PHF2: variants seen among roughly 807,000 people sequenced by gnomAD.
The protein encoded by PHF2 is lysine-specific demethylase PHF2.
In PHF2, 27 loss-of-function variants were observed where a neutral mutation model predicts 120.5. The observed-to-expected ratio is 0.22, with a 90% CI of 0.17 to 0.31. The LOEUF (loss-of-function observed/expected upper bound fraction) is 0.31. PHF2 is among the 10% of genes least tolerant of loss of function. The pLI is 1.00. For synonymous variants in PHF2, 568 were observed against 592.5 expected (o/e 0.96, Z 0.60); for missense variants, 1,024 against 1,434.8 (o/e 0.71, Z 4.63).
intron 4 of PHF2, 113 bp from the exon 5 acceptor site, chr9:93,648,958 C>A: frequency 8.1e-7 from 1 of 1,227,668 alleles, no homozygotes; most frequent in South Asian, 1.4e-5. Context: ...CCCCTGGCAG[C>A]TCCTGCTGTG....
intron 1 of PHF2, among the ~76,000 whole-genome samples, chr9:93,619,931 C>T (rs901199441): frequency 6.6e-6 from 1 of 152,226 alleles, no homozygotes; most frequent in African/African-American, 2.4e-5. Context: ...CCTCTCTCAG[C>T]TCCTGGGTTT....
At chr9:93,655,561 C>A (rs1826444230) in intron 7 of PHF2, among the ~76,000 whole-genome samples, 1 of 152,332 alleles carries the variant, frequency 6.6e-6, no homozygotes. Context: ...CAGACTGGGG[C>A]TTCCTCTCTC....
Position 93,656,482 on chromosome 9 carries a change from C to G in PHF2, c.1041-7C>G. The G allele has an allele frequency of 6.2e-7, 1 of 1,600,316 alleles. No individual in the cohort carries two copies. On this transcript the variant is annotated splice_region_variant and splice_polypyrimidine_tract_variant and intron_variant, in intron 8 of 21. Transcript: ENST00000359246. This position sits in a 1 kb window ranked among gnomAD's most constrained non-coding sequence, Gnocchi z 4.1. ...TGCACTGAGAACTGCTCTTTGGTGG[C>G]TTCTAGAGCATATGAAGTGGAAAGG... is the stretch of plus-strand genomic sequence containing the variant.
chr9:93,646,516 G>A lies in PHF2; in HGVS notation c.460+727G>A, dbSNP rs1363996550. Among the ~76,000 whole-genome samples the A allele has an allele frequency of 8.5e-5, 13 of 152,346 alleles. No individual in the cohort carries two copies. The East Asian group carries it at 2.5e-3, about 29-fold the overall frequency. ...AAAACCCTGAACGGGCAAACCCCCA[G>A]GACAGAAGGTGGGCAGGCAGGCACA... On this transcript the variant is annotated intron_variant, in intron 4 of 21. Transcript: ENST00000359246.
At chr9:93,592,626 G>T (rs970886794) in intron 1 of PHF2, among the ~76,000 whole-genome samples, 2 of 152,160 alleles carry the variant, frequency 1.3e-5, no homozygotes, top group Non-Finnish European at 1.5e-5. Flanking sequence ...GAGCCAAAGC[G>T]TGCTGTTGTC....
chr9:93,671,544 A>G (rs10992848), intron 17 of PHF2, among the ~76,000 whole-genome samples: 29 of 89,390 alleles, frequency 3.2e-4, no homozygotes, highest in African/African-American at 5.4e-4. Context: ...GTAGATGCAG[A>G]TGTGGGTGTG....
intron 1 of PHF2, among the ~76,000 whole-genome samples, chr9:93,626,778 A>G (rs1276916666): frequency 2.6e-5 from 4 of 152,194 alleles, no homozygotes; most frequent in Non-Finnish European, 5.9e-5. Flanking sequence ...TAGACATCCA[A>G]CTTCATTCCT....
intron 1 of PHF2, among the ~76,000 whole-genome samples, chr9:93,604,564 A>G (rs1021150686): frequency 2.0e-5 from 3 of 150,826 alleles, no homozygotes; most frequent in Non-Finnish European, 3.0e-5. Flanking sequence ...TCCCGGGTTC[A>G]CGCCATTCTC....
rs10118129 is a variant in PHF2, at chr9:93,656,618, C to T, written c.1147+23C>T. 9 of 1,548,912 alleles carry T rather than the reference C, an allele frequency of 5.8e-6. No homozygotes were observed. Among genetic ancestry groups the T allele is most frequent in the African/African-American group, 4.1e-5 (3 of 73,526 alleles). ...AAGGTACTGGTCACTCCGGGGTGGG[C>T]GTCCAAGCCTGGGGCTCTTGGCTGT... is the stretch of plus-strand genomic sequence containing the variant. On this transcript the variant is annotated intron_variant, in intron 9 of 21. Coordinates refer to ENST00000359246, the MANE Select transcript of PHF2 (RefSeq NM_005392.4). This position sits in a 1 kb window ranked among gnomAD's most constrained non-coding sequence, Gnocchi z 4.1.
chr9:93,648,932 G>C lies in PHF2; in HGVS notation c.461-139G>C, dbSNP rs983883611. 5.7e-6 allele frequency: 5 copies of C among 881,686 alleles called. No homozygotes were observed. The South Asian group carries it at 8.2e-5, about 15-fold the overall frequency. 54.6% of individuals were successfully genotyped at this position (881,686 alleles called of 1,614,324 possible). A position where few individuals can be genotyped will look rare whatever the true frequency, so the allele number is the denominator to read the frequency against. On this transcript the variant is annotated intron_variant, in intron 4 of 21. Coordinates refer to ENST00000359246, the MANE Select transcript of PHF2 (RefSeq NM_005392.4). The stretch of plus-strand genomic sequence containing the variant: ...AGGTGAAGCTCGACGTTGGCACCTA[G>C]AGCCTCCGCATCCAGCCCCTGGCAG...
chr9:93,589,901 C>T (rs550622086), intron 1 of PHF2, among the ~76,000 whole-genome samples: 3 of 152,264 alleles, frequency 2.0e-5, no homozygotes, highest in South Asian at 2.1e-4. Context: ...GACCCTGGGT[C>T]GTCACTCTTG....
chr9:93,660,535 A>G lies in PHF2; in HGVS notation c.1673A>G (p.Lys558Arg), dbSNP rs775040729. The change falls in exon 12 of 22, where the codon AAG (lysine) becomes AGG (arginine). Residue 558 changes from lysine (K) to arginine (R), a missense_variant. By Grantham distance (26) the Lys-to-Arg change is conservative. This residue lies in a region of PHF2 where 677 missense variants were observed against 857.4 expected (regional missense o/e 0.79). Coordinates refer to ENST00000359246, the MANE Select transcript of PHF2 (RefSeq NM_005392.4). ...GCCCACACCAAGGAGGCACTGACCAAGATGGAGCCGCCCAAGAAGGGCAAG... is the reference window on the plus strand; with the variant it reads ...GCCCACACCAAGGAGGCACTGACCAGGATGGAGCCGCCCAAGAAGGGCAAG... ...LEAHTKEALT[K>R]MEPPKKGKAT... 1.5e-5 allele frequency: 24 copies of G among 1,578,284 alleles called. No homozygotes were observed. In the East Asian group the frequency reaches 5.1e-4, roughly 34 times the overall value.
chr9:93,605,175 T>A (rs1272617443), intron 1 of PHF2, among the ~76,000 whole-genome samples: 1 of 152,236 alleles, frequency 6.6e-6, no homozygotes, highest in Non-Finnish European at 1.5e-5. Flanking sequence ...ATTAACAAAG[T>A]CTGTAGTTTA....
chr9:93,629,546 G>C (rs148017594), intron 1 of PHF2, among the ~76,000 whole-genome samples: 38 of 152,316 alleles, frequency 2.5e-4, no homozygotes, highest in Admixed American at 5.9e-4. Flanking sequence ...GCTATGGTAT[G>C]GCCCACAGGA....
intron 1 of PHF2, among the ~76,000 whole-genome samples, chr9:93,594,296 C>T (rs897461919): frequency 2.6e-5 from 4 of 152,168 alleles, no homozygotes; most frequent in Non-Finnish European, 4.4e-5. Flanking sequence ...GGCCATTGAC[C>T]ATGAGCCTGC....
chr9:93,665,224 C>T (rs752486923), intron 14 of PHF2, among the ~76,000 whole-genome samples: 7 of 152,204 alleles, frequency 4.6e-5, no homozygotes, highest in African/African-American at 1.2e-4. Context: ...GGTCCTTTTC[C>T]GGTTAAAGAC....
In PHF2 at chr9:93,675,695, C is replaced by T. The variant is rs1327781532; in HGVS notation, c.2738C>T (p.Ser913Leu). The change falls in exon 20 of 22, where the codon TCG becomes TTG. Residue 913 changes from serine to leucine, a missense_variant. By Grantham distance (145) the Ser-to-Leu change is moderately radical. Transcript: ENST00000359246. ...PYSPTARVGP[S>L]VPRQDRPVRE... ...TTTTCCACAGCAAGGGTCGGCCCAT[C>T]GGTGCCAAGACAGGACAGGCCTGTG... The T allele has an allele frequency of 8.7e-6, 14 of 1,611,630 alleles. No individual in the cohort carries two copies. The highest frequency in any genetic ancestry group is 1.6e-4 in the Middle Eastern group (1 of 6,072).
At chr9:93,622,594 T>A (rs1462449217) in intron 1 of PHF2, among the ~76,000 whole-genome samples, 1 of 152,134 alleles carries the variant, frequency 6.6e-6, no homozygotes, top group African/African-American at 2.4e-5. Context: ...GCAGATGGCC[T>A]CTAGGAACTG....
intron 2 of PHF2, among the ~76,000 whole-genome samples, chr9:93,635,695 T>G (rs745648343): frequency 2.6e-5 from 4 of 152,128 alleles, no homozygotes; most frequent in African/African-American, 9.7e-5. Context: ...TATGTACATA[T>G]GTGTGTGCCT....
Sources: gnomAD v4.1 joint callset for allele counts (sites outside exome capture counted in the v4.1 genomes callset) on GRCh38, gnomAD v4.1.1 for gene constraint, gnomAD v4.1.1 regional missense constraint, Gnocchi (gnomAD v3.1) non-coding constraint, MANE v1.5 for transcripts, NCBI Gene and HGNC (gene_info 2026-07-23, HGNC 2026-07-21) for gene names.